The following GNB1 variants were observed in gnomAD, a reference collection of about 807,000 sequenced individuals.
GNB1 encodes the protein guanine nucleotide-binding protein G(I)/G(S)/G(T) subunit beta-1.
GNB1 carries 2 observed loss-of-function variants against 42.9 expected under a neutral mutation model. The ratio of observed to expected loss-of-function variants is 0.05; its 90% CI spans 0.02 to 0.15. The LOEUF (loss-of-function observed/expected upper bound fraction) is 0.15, where lower values mean the gene tolerates loss of function less well. GNB1 is among the 10% of genes least tolerant of loss of function. GNB1 has a pLI of 1.00. For missense variants in GNB1, 193 were observed against 462.2 expected (o/e 0.42, Z 5.34); for synonymous variants, 183 against 174.7 (o/e 1.05, Z -0.38).
chr1:1,853,169 T>A (rs1648084786), intron 1 of GNB1, among the ~76,000 whole-genome samples: 1 of 152,156 alleles, frequency 6.6e-6, no homozygotes, highest in Admixed American at 6.5e-5. Context: ...GCCTGGCCCG[T>A]TACTAATCTG....
At chr1:1,889,001 T>C (rs1023664454) in intron 1 of GNB1, among the ~76,000 whole-genome samples, 12 of 152,198 alleles carry the variant, frequency 7.9e-5, no homozygotes, top group African/African-American at 2.9e-4. Flanking sequence ...ATCCACTTTC[T>C]TGATATACAT....
At chr1:1,849,854 T>C (rs766572328) in intron 1 of GNB1, among the ~76,000 whole-genome samples, 15 of 152,228 alleles carry the variant, frequency 9.9e-5, no homozygotes, top group Non-Finnish European at 1.8e-4. Context: ...TGTTGTCTTT[T>C]ACTAATGAAA....
intron 1 of GNB1, among the ~76,000 whole-genome samples, chr1:1,889,921 G>C (rs547907729): frequency 6.6e-6 from 1 of 151,664 alleles, no homozygotes; most frequent in Non-Finnish European, 1.5e-5. Context: ...CAGGCAAGAG[G>C]AAGACACCCA....
intron 1 of GNB1, among the ~76,000 whole-genome samples, chr1:1,860,495 G>A (rs559858402): frequency 6.6e-6 from 1 of 152,166 alleles, no homozygotes; most frequent in East Asian, 1.9e-4. Context: ...AAATTAGCCA[G>A]TCGTGGTGGT....
chr1:1,802,388 G>A (rs1646637378), intron 7 of GNB1, among the ~76,000 whole-genome samples: 1 of 152,118 alleles, frequency 6.6e-6, no homozygotes, highest in South Asian at 2.1e-4. Flanking sequence ...GAAAACTTCA[G>A]ATATGTAAAA....
intron 2 of GNB1, among the ~76,000 whole-genome samples, chr1:1,835,712 C>A (rs915492307): frequency 1.3e-5 from 2 of 152,054 alleles, no homozygotes; most frequent in African/African-American, 4.8e-5. Context: ...TCTGCTTTCA[C>A]TTCTCTTGGG....
At chr1:1,849,043 T>C (rs989242988) in intron 1 of GNB1, among the ~76,000 whole-genome samples, 8 of 152,188 alleles carry the variant, frequency 5.3e-5, no homozygotes, top group South Asian at 4.1e-4. Context: ...CATTAGACGG[T>C]TGGGGTTTGA....
At chr1:1,846,609 G>C (rs1175555111) in intron 1 of GNB1, among the ~76,000 whole-genome samples, 2 of 152,150 alleles carry the variant, frequency 1.3e-5, no homozygotes, top group African/African-American at 2.4e-5. Flanking sequence ...TGTCACCCAA[G>C]TGGGTGACAG....
chr1:1,798,303 C>T (rs181703741), intron 7 of GNB1, among the ~76,000 whole-genome samples: 54 of 152,282 alleles, frequency 3.5e-4, no homozygotes, highest in Middle Eastern at 6.8e-3. Context: ...TGTTGTGGCT[C>T]CTGAAGCAGG....
intron 1 of GNB1, among the ~76,000 whole-genome samples, chr1:1,880,925 A>G (rs1390957491): frequency 4.7e-5 from 2 of 42,334 alleles, no homozygotes; most frequent in African/African-American, 7.5e-5. Context: ...GGCTACGAAG[A>G]CAAGAGTGGG....
intron 3 of GNB1, among the ~76,000 whole-genome samples, chr1:1,819,941 A>C (rs1646909082): frequency 6.6e-6 from 1 of 152,234 alleles, no homozygotes; most frequent in African/African-American, 2.4e-5. Flanking sequence ...GCGTGCGTCC[A>C]AGTGCCCCAC....
chr1:1,850,725 T>C (rs1647935156), intron 1 of GNB1, among the ~76,000 whole-genome samples: 1 of 152,158 alleles, frequency 6.6e-6, no homozygotes, highest in East Asian at 1.9e-4. Context: ...TTCCAATATC[T>C]GGGTCATCTC....
chr1:1,862,351 TAGG>T (rs2101662548), intron 1 of GNB1, among the ~76,000 whole-genome samples: 1 of 152,290 alleles, frequency 6.6e-6, no homozygotes, highest in South Asian at 2.1e-4. Context: ...TCAGGTAAAT[TAGG>T]AGATGATTAC....
At chr1:1,816,014 G>A (rs1362709757) in intron 4 of GNB1, 152 bp from the exon 5 acceptor site, 7 of 638,900 alleles carry the variant, frequency 1.1e-5, no homozygotes, top group Non-Finnish European at 1.4e-5. Flanking sequence ...GTGGCATTCT[G>A]CACTGAACCC....
intron 4 of GNB1, 76 bp from the exon 5 acceptor site, chr1:1,815,938 C>A: frequency 3.3e-6 from 3 of 915,906 alleles, no homozygotes; most frequent in Non-Finnish European, 3.5e-6. Flanking sequence ...CTTGTCAAGG[C>A]TGTTGGCTCG....
At chr1:1,845,259 C>T (rs1052988621) in intron 1 of GNB1, among the ~76,000 whole-genome samples, 38 of 152,246 alleles carry the variant, frequency 2.5e-4, no homozygotes, top group African/African-American at 7.2e-4. Context: ...GAAATTTAAG[C>T]GTCATATTGG....
At chr1:1,865,715 C>A (rs961022833) in intron 1 of GNB1, among the ~76,000 whole-genome samples, 3 of 152,192 alleles carry the variant, frequency 2.0e-5, no homozygotes, top group Non-Finnish European at 4.4e-5. Flanking sequence ...CCTAAAAAGG[C>A]AGATTTAAAC....
chr1:1,845,838 C>G (rs1402689772), intron 1 of GNB1, among the ~76,000 whole-genome samples: 836 of 81,924 alleles, frequency 0.01, 3 homozygotes, highest in African/African-American at 0.024. Context: ...CACACACACA[C>G]ACACACACAC....
chr1:1,879,472 C>T (rs1045917186), intron 1 of GNB1, among the ~76,000 whole-genome samples: 5 of 152,038 alleles, frequency 3.3e-5, no homozygotes, highest in African/African-American at 1.2e-4. Flanking sequence ...TTTGGGAGGC[C>T]GAGGCGGGCA....
Sources: gnomAD v4.1 joint callset for allele counts (sites outside exome capture counted in the v4.1 genomes callset) on GRCh38, gnomAD v4.1.1 for gene constraint, MANE v1.5 for transcripts, NCBI Gene and HGNC (gene_info 2026-07-23, HGNC 2026-07-21) for gene names.